Variants in GPHN observed in about 807,000 individuals in gnomAD.
GPHN encodes the protein gephyrin.
Under a neutral mutation model 95.5 loss-of-function variants are expected in GPHN, and 17 were observed. The ratio of observed to expected loss-of-function variants is 0.18; its 90% CI spans 0.12 to 0.27. The LOEUF is 0.27. Among genes scored for constraint, GPHN ranks in the 10% least tolerant of loss-of-function variants. GPHN has a pLI of 1.00. For synonymous variants in GPHN, 320 were observed against 322.5 expected (o/e 0.99, Z 0.08); for missense variants, 660 against 978.1 (o/e 0.67, Z 4.34).
chr14:66,719,560 A>G lies in GPHN; in HGVS notation c.143+38375A>G, dbSNP rs28691718. ...TGGGTCCTCTCGGGTTTCCTGATTT[A>G]TTCCTGCAGTCGTTCTGTAGCCAAA... On this transcript the variant is annotated intron_variant, in intron 2 of 22. Transcript: ENST00000478722. Among the ~76,000 whole-genome samples, 308 of 152,098 alleles carry G rather than the reference A, an allele frequency of 2.0e-3. 1 individual carries two copies. The highest frequency in any genetic ancestry group is 7.2e-3 in the African/African-American group (298 of 41,472).
At chr14:67,728,338 T>G in the GPHN span, 1 of 152,344 alleles carries the variant, frequency 6.6e-6, no homozygotes, top group Admixed American at 6.5e-5. Flanking sequence ...GCAACATTCC[T>G]GTGAGGTGGG....
At chr14:67,144,281 A>ATG (rs2080757188) in intron 18 of GPHN, among the ~76,000 whole-genome samples, 2 of 116,172 alleles carry the variant, frequency 1.7e-5, no homozygotes, top group African/African-American at 3.3e-5. Context: ...ATATATATAT[A>ATG]TATATACACA....
At chr14:66,820,005 T>C (rs553535647) in intron 3 of GPHN, among the ~76,000 whole-genome samples, 1 of 152,234 alleles carries the variant, frequency 6.6e-6, no homozygotes, top group South Asian at 2.1e-4. Context: ...TGTTTTTTAT[T>C]AGAAGAGATA....
chr14:67,253,958 G>GT, the GPHN span, among the ~76,000 whole-genome samples: 636 of 143,076 alleles, frequency 4.4e-3, 6 homozygotes, highest in African/African-American at 0.016. Context: ...TTAATATTTT[G>GT]TTTTGTTTTT....
intron 1 of GPHN, among the ~76,000 whole-genome samples, chr14:66,671,410 A>G (rs2153384589): frequency 6.6e-6 from 1 of 152,332 alleles, no homozygotes; most frequent in East Asian, 1.9e-4. Context: ...CCCGTTTGTC[A>G]GGAAAGGAGA....
chr14:67,672,691 C>T, the GPHN span, among the ~76,000 whole-genome samples: 1 of 151,990 alleles, frequency 6.6e-6, no homozygotes, highest in Admixed American at 6.6e-5. Flanking sequence ...GATCCGCCCG[C>T]CTCGGCTTCC....
rs145733714 is a variant in GPHN at position 66,708,229 on chromosome 14, C to T, written c.143+27044C>T. On this transcript the variant is annotated intron_variant, in intron 2 of 22. Transcript: ENST00000478722. ...CTAAAAACTTCAAAAAAAAAAATGG[C>T]GAGCTTAACAAACTGTTAAGTCCCT... Among the ~76,000 whole-genome samples the T allele has an allele frequency of 3.0e-3, 455 of 151,910 alleles. 3 individuals are homozygous for T. Among genetic ancestry groups the T allele is most frequent in the African/African-American group, 0.011 (436 of 41,368 alleles).
intron 1 of GPHN, among the ~76,000 whole-genome samples, chr14:66,656,361 GT>G (rs2065305650): frequency 6.6e-6 from 1 of 152,110 alleles, no homozygotes; most frequent in Non-Finnish European, 1.5e-5. Context: ...TGTCTCTTAG[GT>G]TAACAAACTG....
the GPHN span, among the ~76,000 whole-genome samples, chr14:67,495,473 C>T: frequency 6.6e-6 from 1 of 152,038 alleles, no homozygotes; most frequent in Admixed American, 6.6e-5. Context: ...TTTGTTAAAT[C>T]ACAGCCTTCT....
At chr14:67,585,958 A>T in the GPHN span, 1 of 1,612,414 alleles carries the variant, frequency 6.2e-7, no homozygotes, top group South Asian at 1.1e-5. Flanking sequence ...CAGCAAGTGC[A>T]CATCACTTAC....
Position 67,094,266 on chromosome 14 carries a change from A to C in GPHN, c.1237+5191A>C, listed in dbSNP as rs114550710. Among the ~76,000 whole-genome samples, 781 of 152,248 alleles carry C rather than the reference A, an allele frequency of 5.1e-3. 4 individuals carry two copies. The highest frequency in any genetic ancestry group is 0.018 in the African/African-American group (728 of 41,546). On this transcript the variant is annotated intron_variant, in intron 12 of 22. Coordinates refer to ENST00000478722, the MANE Select transcript of GPHN (RefSeq NM_020806.5). ...CAAATAATATAACCAGAAATCTTCA[A>C]ATAAATGGGTGAACAGAACTAAAAG...
chr14:66,677,906 T>G (rs1209427293), intron 1 of GPHN, among the ~76,000 whole-genome samples: 1 of 152,198 alleles, frequency 6.6e-6, no homozygotes, highest in Non-Finnish European at 1.5e-5. Flanking sequence ...TTTAGTACTT[T>G]GCTTAAACCA....
the GPHN span, among the ~76,000 whole-genome samples, chr14:67,567,276 C>T: frequency 1.3e-5 from 2 of 152,120 alleles, no homozygotes; most frequent in South Asian, 2.1e-4. Context: ...GAACATTTCT[C>T]AATCTGACGG....
chr14:67,353,461 G>A, the GPHN span, among the ~76,000 whole-genome samples: 5 of 152,234 alleles, frequency 3.3e-5, no homozygotes, highest in Admixed American at 3.3e-4. Context: ...GCATGGGTAA[G>A]ATAGTAGCAA....
chr14:66,782,962 T>G (rs1479707009), intron 3 of GPHN, among the ~76,000 whole-genome samples: 2 of 152,172 alleles, frequency 1.3e-5, no homozygotes, highest in Non-Finnish European at 2.9e-5. Context: ...GTGAGTTACT[T>G]GGGTTTCCTT....
chr14:66,790,106 A>G (rs2059918494), intron 3 of GPHN, among the ~76,000 whole-genome samples: 1 of 152,178 alleles, frequency 6.6e-6, no homozygotes, highest in Non-Finnish European at 1.5e-5. Context: ...TAAAGCTTGA[A>G]TATTTACTTT....
Position 66,961,900 on chromosome 14 carries a change from GTATATA to G in GPHN, c.829-3248_829-3243del, listed in dbSNP as rs767734322. ...AACCAACCATTCTATCCCTGAATGT[GTATATA>G]TATATATATATATATATATATATAT... is the stretch of plus-strand genomic sequence containing the variant. On this transcript the variant is annotated intron_variant, in intron 8 of 22. Transcript: ENST00000478722. Among the ~76,000 whole-genome samples the G allele has an allele frequency of 7.9e-3, 420 of 52,950 alleles. 8 individuals carry two copies. The highest frequency in any genetic ancestry group is 0.012 in the Non-Finnish European group (259 of 22,458). The allele number at this position is 52,950 out of a possible 152,430, so 34.7% of individuals were successfully genotyped here. A position where few individuals can be genotyped will look rare whatever the true frequency, so the allele number is the denominator to read the frequency against.
the GPHN span, among the ~76,000 whole-genome samples, chr14:67,479,329 C>T: frequency 2.0e-5 from 3 of 150,014 alleles, no homozygotes; most frequent in Non-Finnish European, 3.0e-5. Context: ...TTGCTTGAAC[C>T]GGGACCCAGG....
chr14:67,496,625 CT>C, the GPHN span, among the ~76,000 whole-genome samples: 2 of 151,098 alleles, frequency 1.3e-5, no homozygotes, highest in African/African-American at 4.9e-5. Flanking sequence ...TCTTCCTATT[CT>C]TTTCCCTTCC....
Sources: allele counts gnomAD v4.1 joint callset (sites outside exome capture counted in the v4.1 genomes callset), GRCh38; gene constraint gnomAD v4.1.1; transcripts MANE v1.5; gene names NCBI Gene and HGNC (gene_info 2026-07-23, HGNC 2026-07-21).